ARPC3: variants seen among roughly 807,000 people sequenced by gnomAD.
The protein encoded by ARPC3 is actin related protein 2/3 complex subunit 3, also known as actin-related protein 2/3 complex subunit 3.
ARPC3 carries 12 observed loss-of-function variants against 27.6 expected under a neutral mutation model. That is an observed-to-expected ratio of 0.43 (90% CI 0.28 to 0.70). The LOEUF is 0.70. Ranked by LOEUF, ARPC3 falls within the 30% of genes least tolerant of loss-of-function variation. The probability of loss-of-function intolerance (pLI) is 0.17; values close to 1 mark genes in which losing one functional copy is unlikely to be tolerated. For synonymous variants in ARPC3, 53 were observed against 67.2 expected (o/e 0.79, Z 1.03); for missense variants, 153 against 207.7 (o/e 0.74, Z 1.62).
intron 1 of ARPC3, 144 bp from the exon 2 acceptor site, chr12:110,445,695 G>A (rs2062460847): frequency 1.0e-5 from 7 of 699,726 alleles, no homozygotes; most frequent in Admixed American, 6.4e-5. Flanking sequence ...ATTGAGGTGC[G>A]AGGGCTGGTT....
At chr12:110,440,477 C>A (rs2062429107) in intron 2 of ARPC3, 89 bp from the exon 3 acceptor site, 2 of 831,912 alleles carry the variant, frequency 2.4e-6, no homozygotes, top group Non-Finnish European at 4.2e-6. Context: ...AAAACACATA[C>A]AACTGTCAAC....
chr12:110,444,521 G>A (rs2062454245), intron 2 of ARPC3, among the ~76,000 whole-genome samples: 1 of 152,132 alleles, frequency 6.6e-6, no homozygotes, highest in Non-Finnish European at 1.5e-5. Flanking sequence ...CTGACCTTAA[G>A]TGATCCACTT....
intron 3 of ARPC3, among the ~76,000 whole-genome samples, chr12:110,439,674 A>T (rs926050108): frequency 2.0e-5 from 3 of 152,180 alleles, no homozygotes; most frequent in African/African-American, 7.2e-5. Flanking sequence ...CTCTACTAAA[A>T]ATACAAAAAA....
intron 4 of ARPC3, 42 bp downstream of exon 4, chr12:110,437,042 G>T: frequency 7.4e-7 from 1 of 1,349,470 alleles, no homozygotes; most frequent in Non-Finnish European, 1.1e-6. Flanking sequence ...ATGCCTCTCA[G>T]CAATTTGTTT....
intron 1 of ARPC3, among the ~76,000 whole-genome samples, chr12:110,448,520 C>T (rs2062478192): frequency 6.6e-6 from 1 of 151,724 alleles, no homozygotes; most frequent in Non-Finnish European, 1.5e-5. Context: ...CTACTAAAAA[C>T]ACAAAAACTT....
chr12:110,445,217 T>C (rs1373824023), intron 2 of ARPC3: 12 of 506,230 alleles, frequency 2.4e-5, no homozygotes. Flanking sequence ...ATTAAGCACA[T>C]TTCCTCCATT....
At chr12:110,436,711 T>TACACAA in intron 4 of ARPC3, 28 bp from the exon 5 acceptor site, 1 of 380,314 alleles carries the variant, frequency 2.6e-6, no homozygotes, top group Admixed American at 4.5e-5. Context: ...TATATATATA[T>TACACAA]ACACACACAC....
rs576666227 is a variant in ARPC3 at position 110,443,230 on chromosome 12, T to G, written c.106+2222A>C. ...GCCTCCTGGGTTCACGCCATTCTCC[T>G]GCCTCAGCCTCCCGAGTACCTGGGA... is the stretch of plus-strand genomic sequence containing the variant. On this transcript the variant is annotated intron_variant, in intron 2 of 6. Transcript: ENST00000228825. Among the ~76,000 whole-genome samples the G allele has an allele frequency of 2.0e-5, 3 of 152,026 alleles. No homozygotes were observed. The East Asian group carries it at 5.8e-4, about 29-fold the overall frequency.
At chr12:110,447,199 A>G (rs1181686067) in intron 1 of ARPC3, among the ~76,000 whole-genome samples, 1 of 152,192 alleles carries the variant, frequency 6.6e-6, no homozygotes. Flanking sequence ...TTGTTTCCAA[A>G]TTTGTAAAAT....
chr12:110,448,638 G>A (rs1397731046), intron 1 of ARPC3, among the ~76,000 whole-genome samples: 2 of 146,340 alleles, frequency 1.4e-5, no homozygotes, highest in South Asian at 4.3e-4. Flanking sequence ...GAGAGACAGG[G>A]TCACACCCTG....
intron 1 of ARPC3, among the ~76,000 whole-genome samples, chr12:110,446,579 G>A (rs886512769): frequency 2.6e-5 from 4 of 151,442 alleles, no homozygotes; most frequent in African/African-American, 4.9e-5. Flanking sequence ...TTACAGATGT[G>A]AGCCACTGCA....
chr12:110,439,815 C>T (rs367959488), intron 3 of ARPC3, among the ~76,000 whole-genome samples: 4 of 152,184 alleles, frequency 2.6e-5, no homozygotes, highest in East Asian at 1.9e-4. Flanking sequence ...GCCTGGGCGA[C>T]GGAGCAAGAC....
intron 6 of ARPC3, among the ~76,000 whole-genome samples, chr12:110,435,626 G>A (rs1053620262): frequency 6.6e-6 from 1 of 151,618 alleles, no homozygotes; most frequent in African/African-American, 2.4e-5. Flanking sequence ...CACCGCGCCT[G>A]GCCATAAACC....
At chr12:110,438,340 C>A (rs1023440050) in intron 3 of ARPC3, among the ~76,000 whole-genome samples, 7 of 151,032 alleles carry the variant, frequency 4.6e-5, no homozygotes, top group African/African-American at 1.7e-4. Context: ...TGGCCCACAC[C>A]TGTAATCCCA....
intron 1 of ARPC3, 87 bp downstream of exon 1, chr12:110,450,168 G>T: frequency 6.4e-7 from 1 of 1,573,978 alleles, no homozygotes; most frequent in African/African-American, 1.3e-5. Flanking sequence ...TCTGCCTTCC[G>T]CCGCCCGCTT....
At chr12:110,439,585 C>A (rs1437166952) in intron 3 of ARPC3, among the ~76,000 whole-genome samples, 1 of 152,182 alleles carries the variant, frequency 6.6e-6, no homozygotes, top group Non-Finnish European at 1.5e-5. Context: ...GTAATCCCAG[C>A]ACACTGAGAG....
At chr12:110,446,297 ATTT>A (rs1336985095) in intron 1 of ARPC3, among the ~76,000 whole-genome samples, 4 of 128,766 alleles carry the variant, frequency 3.1e-5, no homozygotes, top group Admixed American at 1.6e-4. Flanking sequence ...CTACTTCCTA[ATTT>A]TTTTTTTTTT....
In ARPC3 at chr12:110,450,328, C is replaced by A; in HGVS notation, c.-68G>T. On this transcript the variant is annotated 5_prime_UTR_variant, in exon 1 of 7. Transcript: ENST00000228825. The stretch of plus-strand genomic sequence containing the variant: ...GTACAGCGGAGCGCTTCCGGTCTGG[C>A]AGCCTGGGCGAGGTAGGCGGAAGCG... 6.2e-7 allele frequency: 1 copy of A among 1,608,896 alleles called. No individual in the cohort carries two copies. Among genetic ancestry groups the A allele is most frequent in the Non-Finnish European group, 8.5e-7 (1 of 1,176,406 alleles).
At chr12:110,443,973 T>G (rs535169331) in intron 2 of ARPC3, among the ~76,000 whole-genome samples, 17 of 152,120 alleles carry the variant, frequency 1.1e-4, no homozygotes, top group Admixed American at 1.0e-3. Context: ...ATTCAGGTTT[T>G]TTTTTTTTTT....
Sources: allele counts gnomAD v4.1 joint callset (sites outside exome capture counted in the v4.1 genomes callset), GRCh38; gene constraint gnomAD v4.1.1; transcripts MANE v1.5; gene names NCBI Gene and HGNC (gene_info 2026-07-23, HGNC 2026-07-21).